The following UPP2 variants were observed in gnomAD, a reference collection of about 807,000 sequenced individuals.
The protein encoded by UPP2 is uridine phosphorylase 2.
A neutral mutation model predicts 26.7 loss-of-function variants in UPP2; 23 were observed. The observed-to-expected ratio is 0.86, with a 90% CI of 0.62 to 1.22. The LOEUF (loss-of-function observed/expected upper bound fraction) is 1.22, where lower values mean the gene tolerates loss of function less well. UPP2 is among the 50% of genes most tolerant of loss of function. The pLI, the probability that UPP2 is intolerant of heterozygous loss-of-function variation, is 0.00. For missense variants in UPP2, 387 were observed against 396.7 expected (o/e 0.98, Z 0.21); for synonymous variants, 127 against 141.3 (o/e 0.90, Z 0.72).
At chr2:158,092,754 T>C (rs993095117) in intron 3 of UPP2, among the ~76,000 whole-genome samples, 1 of 152,156 alleles carries the variant, frequency 6.6e-6, no homozygotes, top group African/African-American at 2.4e-5. Flanking sequence ...AAATGTGAAG[T>C]AGTAATTAGA....
intron 2 of UPP2, among the ~76,000 whole-genome samples, chr2:158,001,217 G>A (rs1292699161): frequency 6.6e-6 from 1 of 152,182 alleles, no homozygotes; most frequent in Non-Finnish European, 1.5e-5. Context: ...GAAACAAATG[G>A]TCCACTCAAA....
chr2:158,018,026 G>A (rs1327803444), intron 3 of UPP2, among the ~76,000 whole-genome samples: 4 of 152,266 alleles, frequency 2.6e-5, no homozygotes, highest in Non-Finnish European at 5.9e-5. Flanking sequence ...TGGATGTAAT[G>A]ATAATTAATG....
intron 1 of UPP2, among the ~76,000 whole-genome samples, chr2:158,104,702 G>A (rs1020832598): frequency 3.3e-5 from 5 of 151,882 alleles, no homozygotes; most frequent in African/African-American, 7.3e-5. Context: ...TGGGTGGATC[G>A]CTTGAGGTCA....
chr2:158,034,678 C>T (rs6731503), intron 3 of UPP2, among the ~76,000 whole-genome samples: 7,330 of 152,210 alleles, frequency 0.048, 313 homozygotes, highest in East Asian at 0.12. Context: ...GGACTAATTA[C>T]GCATAGTGAA....
At chr2:158,099,873 T>C (rs1683046336), upstream of UPP2, among the ~76,000 whole-genome samples, 1 of 152,222 alleles carries the variant, frequency 6.6e-6, no homozygotes, top group Non-Finnish European at 1.5e-5. Context: ...GCAGATCTGA[T>C]GCAAGACCCT....
At chr2:158,114,902 G>A (rs1683391380) in intron 2 of UPP2, among the ~76,000 whole-genome samples, 199 bp from the exon 3 acceptor site, 1 of 152,272 alleles carries the variant, frequency 6.6e-6, no homozygotes, top group South Asian at 2.1e-4. Context: ...TACAAATTTA[G>A]TGCAAAAAAC....
intron 1 of UPP2, among the ~76,000 whole-genome samples, 176 bp downstream of exon 1, chr2:158,102,301 C>T (rs1683093254): frequency 6.6e-6 from 1 of 152,118 alleles, no homozygotes; most frequent in Non-Finnish European, 1.5e-5. Context: ...TTTTCAATGA[C>T]ATTTTTACTC....
At chr2:158,119,604 T>C (rs1370905384) in intron 4 of UPP2, among the ~76,000 whole-genome samples, 10 of 152,036 alleles carry the variant, frequency 6.6e-5, no homozygotes, top group Non-Finnish European at 1.2e-4. Context: ...CACATTTAAA[T>C]ATTAAGATGG....
At chr2:158,111,442 C>A (rs1683318178) in intron 2 of UPP2, among the ~76,000 whole-genome samples, 1 of 152,032 alleles carries the variant, frequency 6.6e-6, no homozygotes, top group Non-Finnish European at 1.5e-5. Context: ...TATATTTTTC[C>A]ATTCTTTTAC....
intron 3 of UPP2, among the ~76,000 whole-genome samples, chr2:158,044,724 C>T (rs886386205): frequency 3.9e-5 from 6 of 152,082 alleles, no homozygotes; most frequent in Non-Finnish European, 7.4e-5. Flanking sequence ...TGTACACAAG[C>T]GTGGGAACAC....
At chr2:158,089,627 CAA>C (rs1270294524) in intron 3 of UPP2, among the ~76,000 whole-genome samples, 2 of 152,218 alleles carry the variant, frequency 1.3e-5, no homozygotes, top group Non-Finnish European at 1.5e-5. Context: ...CCCTGTGAGA[CAA>C]AGTCAGAAAT....
chr2:158,058,466 G>A (rs1316056202), intron 3 of UPP2, among the ~76,000 whole-genome samples: 2 of 106,576 alleles, frequency 1.9e-5, no homozygotes, highest in Admixed American at 8.8e-5. Context: ...CATGCACAGA[G>A]GAAAGGACGT....
chr2:158,022,394 C>T (rs7575665), intron 3 of UPP2, among the ~76,000 whole-genome samples: 10 of 147,846 alleles, frequency 6.8e-5, no homozygotes, highest in African/African-American at 2.2e-4. Flanking sequence ...GGGAGGCGGA[C>T]GTTGCAGTGA....
At chr2:157,996,831 A>G (rs148087543) in intron 2 of UPP2, among the ~76,000 whole-genome samples, 22 of 152,324 alleles carry the variant, frequency 1.4e-4, no homozygotes, top group African/African-American at 5.1e-4. Context: ...CAGAAATTGA[A>G]TAAGTAATTT....
At chr2:158,067,384 AAGAG>A (rs1253618452) in intron 3 of UPP2, among the ~76,000 whole-genome samples, 9 of 148,654 alleles carry the variant, frequency 6.1e-5, no homozygotes, top group East Asian at 1.9e-4. Flanking sequence ...AAAAAAAAAA[AAGAG>A]AGAGAGAGAA....
chr2:158,001,982 A>AAG (rs1683415849), intron 2 of UPP2, among the ~76,000 whole-genome samples: 2 of 145,052 alleles, frequency 1.4e-5, no homozygotes, highest in South Asian at 4.5e-4. Flanking sequence ...AAAAAAAAAA[A>AAG]GAAGAGAGAG....
exon 2 of UPP2, chr2:157,995,181 G>A: frequency 6.2e-7 from 1 of 1,613,444 alleles, no homozygotes. Context: ...TATTCCTAGG[G>A]ACTTCACCAG....
At chr2:158,045,813 C>A (rs1266192454) in intron 3 of UPP2, among the ~76,000 whole-genome samples, 1 of 152,100 alleles carries the variant, frequency 6.6e-6, no homozygotes, top group Non-Finnish European at 1.5e-5. Context: ...CCAGGGAAGG[C>A]CATCAGCCAC....
chr2:158,124,005 C>T (rs1293216426), intron 6 of UPP2, 110 bp downstream of exon 6: 1 of 1,216,372 alleles, frequency 8.2e-7, no homozygotes, highest in Non-Finnish European at 1.1e-6. Flanking sequence ...GGGCTGAAGG[C>T]ATGACTTATA....
Sources: gnomAD v4.1 joint callset for allele counts (sites outside exome capture counted in the v4.1 genomes callset) on GRCh38, gnomAD v4.1.1 for gene constraint, MANE v1.5 for transcripts, NCBI Gene and HGNC (gene_info 2026-07-23, HGNC 2026-07-21) for gene names.